The following CHAF1A variants were observed in gnomAD, a reference collection of about 807,000 sequenced individuals.
The protein encoded by CHAF1A is chromatin assembly factor 1 subunit A, also known as CAF-1 subunit A.
Under a neutral mutation model 93.2 loss-of-function variants are expected in CHAF1A, and 5 were observed. The ratio of observed to expected loss-of-function variants is 0.05; its 90% CI spans 0.03 to 0.11. The LOEUF is 0.11. CHAF1A is among the 10% of genes least tolerant of loss of function. CHAF1A has a pLI of 1.00. For synonymous variants in CHAF1A, 504 were observed against 510.3 expected (o/e 0.99, Z 0.17); for missense variants, 1,102 against 1,259.9 (o/e 0.87, Z 1.90).
intron 1 of CHAF1A, among the ~76,000 whole-genome samples, chr19:4,404,485 G>C (rs1256986407): frequency 3.9e-5 from 6 of 152,146 alleles, no homozygotes; most frequent in African/African-American, 1.2e-4. Flanking sequence ...GAAATCCATG[G>C]CTTTTGGTAA....
Position 4,422,770 on chromosome 19 carries a change from C to T in CHAF1A, c.1222C>T (p.Arg408Cys), listed in dbSNP as rs1317343096. 1.9e-6 allele frequency: 3 copies of T among 1,612,758 alleles called. No homozygotes were observed. Among genetic ancestry groups the T allele is most frequent in the Non-Finnish European group, 2.5e-6 (3 of 1,179,842 alleles). Residue 408 changes from arginine to cysteine, a missense_variant, in exon 5 of 15, where the codon CGC becomes TGC. By Grantham distance (180) the Arg-to-Cys change is radical. Around this residue, in one of 6 missense-constraint regions of CHAF1A, gnomAD observed 165 missense variants for 243.9 expected, o/e 0.68. Transcript: ENST00000301280. This position sits in a 1 kb window ranked among gnomAD's most constrained non-coding sequence, Gnocchi z 4.6. ...AEKQRLKEERRKERQEALEAK... is the reference protein window; with the variant it reads ...AEKQRLKEERCKERQEALEAK... ...GAAGCAGCGGCTCAAGGAGGAGCGG[C>T]GCAAGGAGAGACAGGAAGCCCTGGA...
downstream of CHAF1A, chr19:4,447,638 G>A (rs367999996): frequency 9.3e-6 from 15 of 1,613,706 alleles, no homozygotes; most frequent in East Asian, 1.3e-4. Context: ...GGGGTAGGTG[G>A]AGAAGGTGAG....
intron 3 of CHAF1A, among the ~76,000 whole-genome samples, chr19:4,416,146 C>A (rs1973893755): frequency 6.6e-6 from 1 of 152,112 alleles, no homozygotes. Context: ...TGCACTCCAG[C>A]CTGGGCGACA....
chr19:4,444,257 C>T (rs1005767457), downstream of CHAF1A, among the ~76,000 whole-genome samples: 3 of 152,144 alleles, frequency 2.0e-5, no homozygotes, highest in Admixed American at 6.5e-5. Context: ...GCATAGGCCC[C>T]GGGCACCTCC....
At position 4,409,408 on chromosome 19, in the gene CHAF1A, G is replaced by A. The variant is rs554787620; in HGVS notation, c.609G>A (p.Ser203=). The A allele has an allele frequency of 1.6e-5, 26 of 1,614,100 alleles. No individual in the cohort carries two copies. Among genetic ancestry groups the A allele is most frequent in the South Asian group, 1.4e-4 (13 of 91,084 alleles). ...GGAGAGGCGACTCCCAGGAATGTTC[G>A]CCACGGAGCTGCCCGGAGCTGACGA... ...AGRRGDSQEC[S]PRSCPELTSG... is the part of the protein sequence containing the mutation. Residue 203 remains serine (S), a synonymous_variant, in exon 3 of 15, where the codon TCG becomes TCA. Transcript: ENST00000301280.
intron 1 of CHAF1A, 110 bp downstream of exon 1, chr19:4,402,924 G>A (rs939638018): frequency 1.0e-4 from 66 of 641,738 alleles, no homozygotes; most frequent in Middle Eastern, 1.0e-3. Flanking sequence ...CTGGTCCTGC[G>A]GGCCGGGCGT....
chr19:4,405,936 C>T lies in CHAF1A; in HGVS notation c.77C>T (p.Ala26Val). ...GCCATGGATTGCAAAGATAGACCAGCTTTTCCAGTTAAGAAGTTAATACAA... is the reference window on the plus strand; with the variant it reads ...GCCATGGATTGCAAAGATAGACCAGTTTTTCCAGTTAAGAAGTTAATACAA... Reference protein sequence around the residue: ...ATAMDCKDRPAFPVKKLIQAR... With the variant: ...ATAMDCKDRPVFPVKKLIQAR... The change falls in exon 2 of 15, where the codon GCT becomes GTT. Residue 26 changes from alanine to valine, a missense_variant. This residue lies in a region of CHAF1A where 28 missense variants were observed against 56.5 expected (regional missense o/e 0.50). Coordinates refer to ENST00000301280, the MANE Select transcript of CHAF1A (RefSeq NM_005483.3). 6.2e-7 allele frequency: 1 copy of T among 1,613,558 alleles called. No individual in the cohort carries two copies. Among genetic ancestry groups the T allele is most frequent in the Non-Finnish European group, 8.5e-7 (1 of 1,179,484 alleles).
chr19:4,447,671 AC>A, downstream of CHAF1A: 1 of 1,599,674 alleles, frequency 6.3e-7, no homozygotes, highest in Non-Finnish European at 8.6e-7. Flanking sequence ...CAGGCTGCCC[AC>A]CCGGCCCCTC....
At chr19:4,436,863 A>G (rs970390577) in intron 13 of CHAF1A, among the ~76,000 whole-genome samples, 2 of 152,122 alleles carry the variant, frequency 1.3e-5, no homozygotes, top group Non-Finnish European at 2.9e-5. Flanking sequence ...CCCCACCCGG[A>G]AAATAGCGCC....
intron 7 of CHAF1A, among the ~76,000 whole-genome samples, chr19:4,425,273 C>T (rs868605018): frequency 9.2e-5 from 14 of 152,050 alleles, no homozygotes; most frequent in African/African-American, 1.4e-4. Flanking sequence ...TATTTAGAGA[C>T]GGAGTATTGC....
At chr19:4,432,255 A>G (rs1271156992) in intron 12 of CHAF1A, 48 bp downstream of exon 12, 2 of 1,548,512 alleles carry the variant, frequency 1.3e-6, no homozygotes, top group Non-Finnish European at 1.7e-6. Flanking sequence ...GGGCCCAGCT[A>G]ATTCCAGGGC....
chr19:4,417,939 C>A, intron 3 of CHAF1A, 81 bp from the exon 4 acceptor site: 1 of 993,278 alleles, frequency 1.0e-6, no homozygotes, highest in Non-Finnish European at 1.5e-6. Flanking sequence ...GGTGGAAAAA[C>A]TGATCACCTG....
intron 10 of CHAF1A, 157 bp downstream of exon 10, chr19:4,429,945 C>G: frequency 1.6e-6 from 1 of 638,880 alleles, no homozygotes; most frequent in Non-Finnish European, 2.7e-6. Context: ...ACCTCAACAT[C>G]CAGACTTCCA....
At chr19:4,448,069 C>G (rs1325074511), downstream of CHAF1A, 1 of 566,234 alleles carries the variant, frequency 1.8e-6, no homozygotes, top group African/African-American at 1.9e-5. Context: ...ACATGTTCCC[C>G]AAGGAAGCCA....
rs1257819397 is a variant in CHAF1A at position 4,409,531 on chromosome 19, C to A, written c.732C>A (p.Asp244Glu). Residue 244 changes from aspartate to glutamate, a missense_variant, in exon 3 of 15, where the codon GAC (aspartate) becomes GAA (glutamate). By Grantham distance (45) the Asp-to-Glu change is conservative. Coordinates refer to ENST00000301280, the MANE Select transcript of CHAF1A (RefSeq NM_005483.3). ...AGGTGCCTATGGTGGTCTTGCAGGACATCTTGGCTGTGAGACCACCGCAAA... is the reference window on the plus strand; with the variant it reads ...AGGTGCCTATGGTGGTCTTGCAGGAAATCTTGGCTGTGAGACCACCGCAAA... Reference protein sequence around the residue: ...KGKVPMVVLQDILAVRPPQIK... With the variant: ...KGKVPMVVLQEILAVRPPQIK... 7 of 1,613,904 alleles carry A rather than the reference C, an allele frequency of 4.3e-6. No individual in the cohort carries two copies. Among genetic ancestry groups the A allele is most frequent in the African/African-American group, 1.3e-5 (1 of 74,862 alleles).
chr19:4,424,834 C>G (rs1285470674), intron 7 of CHAF1A, among the ~76,000 whole-genome samples: 1 of 152,186 alleles, frequency 6.6e-6, no homozygotes, highest in Non-Finnish European at 1.5e-5. Flanking sequence ...GGGGTTTTAC[C>G]ATGTTGGCTA....
intron 13 of CHAF1A, among the ~76,000 whole-genome samples, chr19:4,440,710 G>C (rs1226091660): frequency 6.6e-6 from 1 of 151,868 alleles, no homozygotes; most frequent in African/African-American, 2.4e-5. Flanking sequence ...CACACGCCTG[G>C]GCCGTGTGGT....
intron 13 of CHAF1A, among the ~76,000 whole-genome samples, chr19:4,434,329 G>C (rs751767402): frequency 6.6e-6 from 1 of 152,192 alleles, no homozygotes; most frequent in African/African-American, 2.4e-5. Flanking sequence ...CTGGGCGACA[G>C]AGCAAGACCC....
downstream of CHAF1A, chr19:4,446,970 C>T (rs1974545748): frequency 6.4e-7 from 1 of 1,571,084 alleles, no homozygotes; most frequent in Admixed American, 1.7e-5. Flanking sequence ...CCTCCATGGC[C>T]TGGCCACACC....
Sources: gnomAD v4.1 joint callset for allele counts (sites outside exome capture counted in the v4.1 genomes callset) on GRCh38, gnomAD v4.1.1 for gene constraint, gnomAD v4.1.1 regional missense constraint, Gnocchi (gnomAD v3.1) non-coding constraint, MANE v1.5 for transcripts, NCBI Gene and HGNC (gene_info 2026-07-23, HGNC 2026-07-21) for gene names.